The following USP7 variants were observed in gnomAD, a reference collection of about 807,000 sequenced individuals.
USP7 encodes ubiquitin C-terminal hydrolase 7.
USP7 carries 9 observed loss-of-function variants against 162.9 expected under a neutral mutation model. The ratio of observed to expected loss-of-function variants is 0.06; its 90% CI spans 0.03 to 0.10. The LOEUF is 0.10. USP7 is among the 10% of genes least tolerant of loss of function. USP7 has a pLI of 1.00. For synonymous variants in USP7, 562 were observed against 475.9 expected (o/e 1.18, Z -2.35); for missense variants, 715 against 1,373.7 (o/e 0.52, Z 7.58).
chr16:8,913,557 A>G (rs2061982937), intron 10 of USP7, among the ~76,000 whole-genome samples: 1 of 152,030 alleles, frequency 6.6e-6, no homozygotes, highest in Non-Finnish European at 1.5e-5. Flanking sequence ...AGAAGTCTAC[A>G]CCGAGTTAAA....
chr16:8,945,348 T>C (rs1464123453), intron 1 of USP7, among the ~76,000 whole-genome samples: 1 of 152,156 alleles, frequency 6.6e-6, no homozygotes, highest in Admixed American at 6.5e-5. Flanking sequence ...CATGCCACTG[T>C]ACTCCAGCTT....
chr16:8,955,481 G>C (rs968799952), intron 1 of USP7, among the ~76,000 whole-genome samples: 1 of 152,130 alleles, frequency 6.6e-6, no homozygotes, highest in African/African-American at 2.4e-5. Flanking sequence ...CCAGCACTTT[G>C]GGAGGCCGAG....
intron 1 of USP7, among the ~76,000 whole-genome samples, chr16:8,943,805 T>C (rs576188159): frequency 6.6e-6 from 1 of 152,314 alleles, no homozygotes; most frequent in East Asian, 1.9e-4. Flanking sequence ...CCCAAGAAAA[T>C]GAGCATTCAC....
chr16:8,910,790 C>G lies in USP7; in HGVS notation c.1116G>C (p.Gln372His). ...CGTCGTATTTATTGTCCCCATCGAG[C>G]TGTTCTACTGCCACATAATCCACAA... The part of the protein sequence containing the change: ...ESFVDYVAVE[Q>H]LDGDNKYDAG... Residue 372 changes from glutamine (Q) to histidine (H), a missense_variant, in exon 11 of 31, where the codon CAG becomes CAC. Gln to His is a conservative substitution (Grantham distance 24). This residue lies in a region of USP7 where 21 missense variants were observed against 23.8 expected (regional missense o/e 0.88). Transcript: ENST00000344836. The G allele has an allele frequency of 6.2e-7, 1 of 1,614,110 alleles. No homozygotes were observed. The highest frequency in any genetic ancestry group is 8.5e-7 in the Non-Finnish European group (1 of 1,180,036).
Position 8,895,625 on chromosome 16 carries a change from G to GT in USP7, c.2919+16dup, listed in dbSNP as rs2061669272. 6.3e-7 allele frequency: 1 copy of GT among 1,594,728 alleles called. No individual in the cohort carries two copies. Among genetic ancestry groups the GT allele is most frequent in the Non-Finnish European group, 8.6e-7 (1 of 1,164,886 alleles). The stretch of plus-strand genomic sequence containing the variant: ...TCATGAATTCTCTCTGGTGCCAACA[G>GT]TATCGGGGACAGATACCTCTATTCG... On this transcript the variant is annotated intron_variant, in intron 27 of 30. Coordinates refer to ENST00000344836, the MANE Select transcript of USP7 (RefSeq NM_003470.3).
intron 1 of USP7, among the ~76,000 whole-genome samples, chr16:8,958,318 G>A (rs1899888327): frequency 6.6e-6 from 1 of 152,198 alleles, no homozygotes; most frequent in East Asian, 1.9e-4. Flanking sequence ...TCCTGTTTGT[G>A]CCCACACAAG....
chr16:8,894,747 T>TG (rs1567203672), intron 29 of USP7, 37 bp downstream of exon 29: 5 of 1,614,148 alleles, frequency 3.1e-6, no homozygotes, highest in Non-Finnish European at 3.4e-6. Context: ...CTTGAGCCTA[T>TG]GGCCCGCCAA....
intron 2 of USP7, among the ~76,000 whole-genome samples, chr16:8,923,861 G>C (rs917727929): frequency 3.3e-5 from 5 of 152,174 alleles, no homozygotes; most frequent in African/African-American, 9.7e-5. Flanking sequence ...CAGGACTTGA[G>C]AGCCAGGGAA....
At position 8,906,604 on chromosome 16, in the gene USP7, G is replaced by A. The variant is rs776115153; in HGVS notation, c.1272-22C>T. ...AAACCTATTAGAAAACATTTTAAAA[G>A]AAATTCAGTATTAATTTACACAAAA... On this transcript the variant is annotated intron_variant, in intron 12 of 30. Transcript: ENST00000344836. The A allele has an allele frequency of 3.1e-6, 5 of 1,604,652 alleles. 1 individual carries two copies. In the South Asian group the frequency reaches 4.4e-5, roughly 14 times the overall value.
rs1365181517 is a variant in USP7, at chr16:8,902,107, C to T, written c.2022G>A (p.Ala674=). The change falls in exon 18 of 31, where the codon GCG becomes GCA. Residue 674 remains alanine (A), a synonymous_variant. Transcript: ENST00000344836. ...GATCTTTATCAAACTTGGGTAAGGT[C>T]GCTCCACTAGCAGCCAGCTCGGGAT... The part of the protein sequence containing the change: ...TVDPELAASG[A]TLPKFDKDHD... 5.6e-6 allele frequency: 9 copies of T among 1,614,112 alleles called. No individual in the cohort carries two copies. The highest frequency in any genetic ancestry group is 6.8e-6 in the Non-Finnish European group (8 of 1,180,024).
At chr16:8,951,288 T>C (rs911112756) in intron 1 of USP7, among the ~76,000 whole-genome samples, 1 of 836 alleles carries the variant, frequency 1.2e-3, no homozygotes, top group African/African-American at 1.5e-3. Context: ...AGTCACCTAA[T>C]TTCCTTCAAC....
Position 8,905,939 on chromosome 16 carries a change from C to T in USP7, c.1428+487G>A, listed in dbSNP as rs554945193. On this transcript the variant is annotated intron_variant, in intron 13 of 30. Coordinates refer to ENST00000344836, the MANE Select transcript of USP7 (RefSeq NM_003470.3). ...CTCCACCAAATCCCCTTGGCAGGAG[C>T]TCGGTGCTGGCCCTGTGGTCTTGGG... Among the ~76,000 whole-genome samples the T allele has an allele frequency of 2.0e-5, 3 of 152,326 alleles. No homozygotes were observed. In the East Asian group the frequency reaches 5.8e-4, roughly 29 times the overall value.
At chr16:8,930,493 T>C (rs560541606) in intron 1 of USP7, 96 bp from the exon 2 acceptor site, 2 of 789,404 alleles carry the variant, frequency 2.5e-6, no homozygotes, top group South Asian at 4.8e-5. Context: ...TGCCTAATCA[T>C]TAATAAATTC....
chr16:8,956,703 C>T (rs1281997930), intron 1 of USP7, among the ~76,000 whole-genome samples: 1 of 151,598 alleles, frequency 6.6e-6, no homozygotes, highest in Non-Finnish European at 1.5e-5. Flanking sequence ...TCAGAGGTTG[C>T]AGTGAGCCGA....
intron 1 of USP7, among the ~76,000 whole-genome samples, chr16:8,933,959 G>T (rs548615617): frequency 6.6e-6 from 1 of 152,156 alleles, no homozygotes; most frequent in South Asian, 2.1e-4. Flanking sequence ...GTTTCACCAT[G>T]TTGGCCAGGC....
chr16:8,935,551 T>C (rs919885998), intron 1 of USP7: 5 of 152,162 alleles, frequency 3.3e-5, no homozygotes, highest in African/African-American at 4.8e-5. Context: ...CAAATAAGAC[T>C]GGGGACATGT....
In USP7 at chr16:8,963,535, G is replaced by A. The variant is rs1900108407; in HGVS notation, c.-250C>T. On this transcript the variant is annotated 5_prime_UTR_variant, in exon 1 of 31. Coordinates refer to ENST00000344836, the MANE Select transcript of USP7 (RefSeq NM_003470.3). ...CGCCGAGGCGGGCGGGCGGCCGGCG[G>A]GCCGGGCCGGGCGGCCTCGTCGCTC... 7.4e-6 allele frequency: 1 copy of A among 135,218 alleles called. No individual in the cohort carries two copies. Among genetic ancestry groups the A allele is most frequent in the African/African-American group, 2.7e-5 (1 of 37,624 alleles). 8.4% of individuals were successfully genotyped at this position (135,218 alleles called of 1,614,324 possible). A position where few individuals can be genotyped will look rare whatever the true frequency, so the allele number is the denominator to read the frequency against.
chr16:8,929,486 G>T (rs1898196267), intron 2 of USP7: 1 of 455,952 alleles, frequency 2.2e-6, no homozygotes, highest in Non-Finnish European at 4.4e-6. Flanking sequence ...CTGAACAGCA[G>T]TCCTTCTGGT....
At chr16:8,915,009 G>A (rs1162284389) in intron 10 of USP7, among the ~76,000 whole-genome samples, 3 of 152,196 alleles carry the variant, frequency 2.0e-5, no homozygotes, top group Non-Finnish European at 2.9e-5. Flanking sequence ...GGTGTTAGAA[G>A]TCCACGTGGT....
Sources: allele counts gnomAD v4.1 joint callset (sites outside exome capture counted in the v4.1 genomes callset), GRCh38; gene constraint gnomAD v4.1.1; regional missense constraint gnomAD v4.1.1; transcripts MANE v1.5; gene names NCBI Gene and HGNC (gene_info 2026-07-23, HGNC 2026-07-21).